Variants in WWP2 observed in about 807,000 individuals in gnomAD.
WWP2 encodes the protein NEDD4-like E3 ubiquitin-protein ligase WWP2.
WWP2 carries 57 observed loss-of-function variants against 121.0 expected under a neutral mutation model. That is an observed-to-expected ratio of 0.47 (90% CI 0.38 to 0.59). WWP2 has a LOEUF of 0.59. Ranked by LOEUF, WWP2 falls within the 20% of genes least tolerant of loss-of-function variation. WWP2 has a pLI of 0.00. For synonymous variants in WWP2, 449 were observed against 441.3 expected (o/e 1.02, Z -0.22); for missense variants, 962 against 1,158.9 (o/e 0.83, Z 2.47).
At chr16:69,785,746 C>A (rs1402460147) in intron 1 of WWP2, among the ~76,000 whole-genome samples, 1 of 151,824 alleles carries the variant, frequency 6.6e-6, no homozygotes, top group Non-Finnish European at 1.5e-5. Flanking sequence ...CCTGCCTCAG[C>A]CTCCCGAGTA....
chr16:69,896,550 T>A (rs1455886510), intron 8 of WWP2, among the ~76,000 whole-genome samples: 1 of 152,152 alleles, frequency 6.6e-6, no homozygotes, highest in Non-Finnish European at 1.5e-5. Flanking sequence ...GAAAATGATA[T>A]CACATTCTCA....
At chr16:69,930,729 C>A (rs555471276) in intron 13 of WWP2, among the ~76,000 whole-genome samples, 1 of 152,068 alleles carries the variant, frequency 6.6e-6, no homozygotes, top group East Asian at 1.9e-4. Context: ...AAAATTAGCT[C>A]GGTGTGGTAG....
At position 69,935,838 on chromosome 16, in the gene WWP2, C is replaced by A; in HGVS notation, c.1843-15C>A. On this transcript the variant is annotated splice_polypyrimidine_tract_variant and intron_variant, in intron 17 of 23. Coordinates refer to ENST00000359154, the MANE Select transcript of WWP2 (RefSeq NM_001270454.2). The surrounding 1 kb of genome is among the most constrained non-coding windows in gnomAD (Gnocchi z 5.2). Reference sequence around the variant, plus strand: ...GGGAAGGCCAAACCTCTGTGCTGTGCCTCTTCCTTCCCAGGCGCTGTACCA... The same window carrying A: ...GGGAAGGCCAAACCTCTGTGCTGTGACTCTTCCTTCCCAGGCGCTGTACCA... The A allele has an allele frequency of 1.2e-6, 2 of 1,607,010 alleles. No individual in the cohort carries two copies. The highest frequency in any genetic ancestry group is 1.1e-5 in the South Asian group (1 of 89,758).
chr16:69,799,629 G>T lies in WWP2; in HGVS notation c.340+334G>T. 4.0e-6 allele frequency: 1 copy of T among 251,250 alleles called. No individual in the cohort carries two copies. The highest frequency in any genetic ancestry group is 6.6e-5 in the South Asian group (1 of 15,202). The allele number at this position is 251,250 out of a possible 1,614,324, so 15.6% of individuals were successfully genotyped here. A position where few individuals can be genotyped will look rare whatever the true frequency, so the allele number is the denominator to read the frequency against. ...TGAATGAAACTGTCAAATACCTCTAGCCTAAATCATTGCTTTTCTAGCCTC... is the reference window on the plus strand; with the variant it reads ...TGAATGAAACTGTCAAATACCTCTATCCTAAATCATTGCTTTTCTAGCCTC... On this transcript the variant is annotated intron_variant, in intron 4 of 23. Transcript: ENST00000359154. The surrounding 1 kb of genome is among the most constrained non-coding windows in gnomAD (Gnocchi z 4.5).
intron 4 of WWP2, among the ~76,000 whole-genome samples, chr16:69,802,190 A>G (rs1054538905): frequency 6.6e-5 from 10 of 152,076 alleles, no homozygotes; most frequent in Non-Finnish European, 2.9e-5. Flanking sequence ...GGCCTCCCAA[A>G]GTGCTGGATT....
At chr16:69,880,807 T>C (rs145511360) in intron 7 of WWP2, among the ~76,000 whole-genome samples, 1 of 152,300 alleles carries the variant, frequency 6.6e-6, no homozygotes, top group African/African-American at 2.4e-5. Context: ...TGATCTTCAG[T>C]AGAAAGAACT....
chr16:69,870,900 G>T (rs1269948256), intron 6 of WWP2, among the ~76,000 whole-genome samples: 1 of 152,160 alleles, frequency 6.6e-6, no homozygotes, highest in East Asian at 1.9e-4. Context: ...ATGTCTGATA[G>T]GTTTTCTGCT....
intron 10 of WWP2, among the ~76,000 whole-genome samples, chr16:69,918,672 A>G (rs956113976): frequency 3.5e-4 from 53 of 152,312 alleles, no homozygotes; most frequent in African/African-American, 1.3e-3. Context: ...GAATTGCTAG[A>G]GCAGCCTCTA....
chr16:69,936,224 C>A, intron 18 of WWP2, 88 bp from the exon 19 acceptor site: 1 of 1,577,304 alleles, frequency 6.3e-7, no homozygotes, highest in Non-Finnish European at 8.6e-7. Flanking sequence ...CACCTGTGGG[C>A]CCTTGGTGTC....
chr16:69,809,872 G>A (rs1470011644), intron 4 of WWP2, among the ~76,000 whole-genome samples: 2 of 152,082 alleles, frequency 1.3e-5, no homozygotes, highest in Non-Finnish European at 2.9e-5. Context: ...AAAGGAAAAA[G>A]CTTTGAGGGT....
At chr16:69,911,710 C>T (rs2058381450) in intron 9 of WWP2, among the ~76,000 whole-genome samples, 1 of 152,138 alleles carries the variant, frequency 6.6e-6, no homozygotes, top group South Asian at 2.1e-4. Context: ...TTTAGTTAAA[C>T]ATGTGGCTTG....
In WWP2 at chr16:69,881,363, GAAT is replaced by G. The variant is rs1181215330; in HGVS notation, c.704-6668_704-6666del. Among the ~76,000 whole-genome samples the G allele has an allele frequency of 1.2e-4, 18 of 152,314 alleles. No individual in the cohort carries two copies. In the East Asian group the frequency reaches 3.5e-3, roughly 29 times the overall value. On this transcript the variant is annotated intron_variant, in intron 7 of 23. Transcript: ENST00000359154. ...CTCAGTTTTGTCTGCAGTGAAATGGGAATAATAATATCTTCCTCATAAGGGCAT... is the reference window on the plus strand; with the variant it reads ...CTCAGTTTTGTCTGCAGTGAAATGGGAATAATATCTTCCTCATAAGGGCAT...
chr16:69,840,273 G>A lies in WWP2; in HGVS notation c.478+10G>A, dbSNP rs748783689. 30 of 1,613,748 alleles carry A rather than the reference G, an allele frequency of 1.9e-5. No individual in the cohort carries two copies. The African/African-American group carries it at 2.0e-4, about 11-fold the overall frequency. ...AGTGCCCTGACAGATGGTGAGTGCC[G>A]CCCTGCTCCTCAGGACTGTGCCGGG... On this transcript the variant is annotated intron_variant, in intron 5 of 23. Coordinates refer to ENST00000359154, the MANE Select transcript of WWP2 (RefSeq NM_001270454.2).
At position 69,936,947 on chromosome 16, in the gene WWP2, T is replaced by C; in HGVS notation, c.2118-171T>C. On this transcript the variant is annotated intron_variant, in intron 19 of 23. Transcript: ENST00000359154. The stretch of plus-strand genomic sequence containing the variant: ...AAAGACTCCGGTGTCTGCAGGTCAC[T>C]GTGAGGTTTTCAGGGCCTCACTCTA... 3.6e-6 allele frequency: 3 copies of C among 822,944 alleles called. 1 individual carries two copies. The South Asian group carries it at 5.7e-5, about 16-fold the overall frequency. 51.0% of individuals were successfully genotyped at this position (822,944 alleles called of 1,614,324 possible).
chr16:69,862,133 T>G (rs2057433112), intron 6 of WWP2, among the ~76,000 whole-genome samples: 1 of 152,010 alleles, frequency 6.6e-6, no homozygotes, highest in African/African-American at 2.4e-5. Flanking sequence ...TGGTGTGATC[T>G]CGGCACACTG....
Position 69,925,059 on chromosome 16 carries a change from G to T in WWP2, c.1180-371G>T, listed in dbSNP as rs1035455816. On this transcript the variant is annotated intron_variant, in intron 10 of 23. Transcript: ENST00000359154. The surrounding 1 kb of genome is among the most constrained non-coding windows in gnomAD (Gnocchi z 4.0). ...ATTTCAGTCGCCTTGGCCGCCTTGA[G>T]CCGGAGCTGAGCGGAGGCACTGGGC... The T allele has an allele frequency of 1.3e-5, 13 of 1,018,554 alleles. No homozygotes were observed. The Admixed American group carries it at 1.7e-4, about 13-fold the overall frequency. 63.1% of individuals were successfully genotyped at this position (1,018,554 alleles called of 1,614,324 possible). A position where few individuals can be genotyped will look rare whatever the true frequency, so the allele number is the denominator to read the frequency against.
intron 18 of WWP2, 143 bp downstream of exon 18, chr16:69,936,129 T>G: frequency 6.9e-7 from 1 of 1,445,328 alleles, no homozygotes; most frequent in Non-Finnish European, 9.4e-7. Context: ...TGGAGAGGAA[T>G]GTCCTCTGGG....
intron 1 of WWP2, among the ~76,000 whole-genome samples, chr16:69,774,118 G>T (rs1167257492): frequency 6.6e-6 from 1 of 152,076 alleles, no homozygotes; most frequent in African/African-American, 2.4e-5. Flanking sequence ...CAAGGCATTT[G>T]ATCCTTCATT....
chr16:69,809,794 G>C (rs1004861257), intron 4 of WWP2, among the ~76,000 whole-genome samples: 1 of 151,156 alleles, frequency 6.6e-6, no homozygotes, highest in African/African-American at 2.4e-5. Flanking sequence ...GAGAGACAGA[G>C]AGAGAGAGAG....
Sources: gnomAD v4.1 joint callset for allele counts (sites outside exome capture counted in the v4.1 genomes callset) on GRCh38, gnomAD v4.1.1 for gene constraint, Gnocchi (gnomAD v3.1) non-coding constraint, MANE v1.5 for transcripts, NCBI Gene and HGNC (gene_info 2026-07-23, HGNC 2026-07-21) for gene names.